AUTS2: variants seen among roughly 807,000 people sequenced by gnomAD.
AUTS2 encodes activator of transcription and developmental regulator AUTS2.
AUTS2 carries 17 observed loss-of-function variants against 112.4 expected under a neutral mutation model. That is an observed-to-expected ratio of 0.15 (90% CI 0.10 to 0.23). AUTS2 has a LOEUF of 0.23. Among genes scored for constraint, AUTS2 ranks in the 10% least tolerant of loss-of-function variants. The probability of loss-of-function intolerance (pLI) is 1.00; values close to 1 mark genes in which losing one functional copy is unlikely to be tolerated. For synonymous variants in AUTS2, 751 were observed against 702.7 expected (o/e 1.07, Z -1.09); for missense variants, 1,510 against 1,701.6 (o/e 0.89, Z 1.98).
intron 4 of AUTS2, among the ~76,000 whole-genome samples, chr7:70,423,792 T>A (rs1795320454): frequency 6.6e-6 from 1 of 152,242 alleles, no homozygotes; most frequent in Non-Finnish European, 1.5e-5. Context: ...TTTCTGGTTT[T>A]GTTTGTCTGG....
chr7:70,482,501 C>T (rs114495403), intron 5 of AUTS2, among the ~76,000 whole-genome samples: 1,873 of 152,206 alleles, frequency 0.012, 43 homozygotes, highest in African/African-American at 0.041. Context: ...AGTATTTTAA[C>T]GGGTCACCTT....
At chr7:69,647,431 G>A (rs952240404) in intron 1 of AUTS2, among the ~76,000 whole-genome samples, 2 of 151,544 alleles carry the variant, frequency 1.3e-5, no homozygotes, top group Non-Finnish European at 2.9e-5. Flanking sequence ...GCTCACTGTA[G>A]CATCAACTTC....
intron 4 of AUTS2, among the ~76,000 whole-genome samples, chr7:70,177,813 T>TTGGAATTATCCTCTCTCTC (rs57599835): frequency 6.6e-6 from 1 of 152,026 alleles, no homozygotes. Context: ...CTGTTCTGCA[T>TTGGAATTATCCTCTCTCTC]TCTCATTGTT....
At chr7:70,369,582 G>A (rs1377908781) in intron 4 of AUTS2, among the ~76,000 whole-genome samples, 1 of 152,126 alleles carries the variant, frequency 6.6e-6, no homozygotes, top group Non-Finnish European at 1.5e-5. Context: ...GAGGCAAGAA[G>A]GAGAGTGGCC....
At chr7:70,645,586 C>T (rs1330424295) in intron 5 of AUTS2, among the ~76,000 whole-genome samples, 2 of 152,254 alleles carry the variant, frequency 1.3e-5, no homozygotes, top group East Asian at 3.9e-4. Flanking sequence ...TCTGGGCAGA[C>T]CATGGGGCCT....
intron 2 of AUTS2, among the ~76,000 whole-genome samples, chr7:70,077,092 C>A (rs1562667606): frequency 6.6e-6 from 1 of 152,094 alleles, no homozygotes; most frequent in African/African-American, 2.4e-5. Flanking sequence ...GTAGAAGATA[C>A]AGGTAGATTC....
intron 4 of AUTS2, among the ~76,000 whole-genome samples, chr7:70,295,146 C>A (rs986338160): frequency 6.6e-6 from 1 of 152,180 alleles, no homozygotes; most frequent in Non-Finnish European, 1.5e-5. Flanking sequence ...TAGCAGATAG[C>A]CTGATTTTAT....
chr7:70,137,571 A>G (rs1472398076), intron 4 of AUTS2, among the ~76,000 whole-genome samples: 3 of 151,932 alleles, frequency 2.0e-5, no homozygotes, highest in Non-Finnish European at 2.9e-5. Context: ...TTCAATTTGC[A>G]TAGTGTATAA....
chr7:70,314,314 A>G (rs537398249), intron 4 of AUTS2, among the ~76,000 whole-genome samples: 1 of 152,260 alleles, frequency 6.6e-6, no homozygotes, highest in Non-Finnish European at 1.5e-5. Context: ...TAGTCCCTCT[A>G]TAATCTCTTC....
chr7:70,508,236 G>A (rs575730361), intron 5 of AUTS2, among the ~76,000 whole-genome samples: 13 of 152,054 alleles, frequency 8.5e-5, no homozygotes, highest in African/African-American at 3.1e-4. Flanking sequence ...AGAGCCTGTG[G>A]GGCATTAACG....
rs116401875 is a variant in AUTS2 at position 70,559,738 on chromosome 7, C to T, written c.690+123957C>T. On this transcript the variant is annotated intron_variant, in intron 5 of 18. Transcript: ENST00000342771. ...TTAAACTCAGCAATGACATGAGCAGCTCATCTGAGCCCCAGGCCTCTGGAT... is the reference window on the plus strand; with the variant it reads ...TTAAACTCAGCAATGACATGAGCAGTTCATCTGAGCCCCAGGCCTCTGGAT... Among the ~76,000 whole-genome samples the T allele has an allele frequency of 4.4e-3, 674 of 152,306 alleles. 7 individuals are homozygous for T. The highest frequency in any genetic ancestry group is 0.015 in the African/African-American group (638 of 41,574).
At chr7:70,362,598 T>C (rs1792320859) in intron 4 of AUTS2, among the ~76,000 whole-genome samples, 1 of 151,914 alleles carries the variant, frequency 6.6e-6, no homozygotes, top group Non-Finnish European at 1.5e-5. Flanking sequence ...AGGATAGTAG[T>C]TCCTCTTTCT....
At chr7:70,319,896 G>A (rs1023263517) in intron 4 of AUTS2, among the ~76,000 whole-genome samples, 5 of 152,172 alleles carry the variant, frequency 3.3e-5, no homozygotes, top group African/African-American at 7.2e-5. Flanking sequence ...AAAAGAATAC[G>A]TAAATGAATG....
intron 4 of AUTS2, among the ~76,000 whole-genome samples, chr7:70,321,749 A>G (rs1479105559): frequency 3.3e-5 from 5 of 152,230 alleles, no homozygotes; most frequent in African/African-American, 9.7e-5. Context: ...TGGTTTCCTG[A>G]CACATATTCA....
At chr7:69,757,528 T>C (rs1787990405) in intron 1 of AUTS2, among the ~76,000 whole-genome samples, 1 of 152,194 alleles carries the variant, frequency 6.6e-6, no homozygotes. Context: ...CTTTGATTTA[T>C]TTGGAGAGAA....
chr7:69,667,488 T>C (rs1274762984), intron 1 of AUTS2, among the ~76,000 whole-genome samples: 1 of 151,828 alleles, frequency 6.6e-6, no homozygotes, highest in Non-Finnish European at 1.5e-5. Context: ...CCTGCGTAGT[T>C]GGGATTACAG....
chr7:70,677,850 G>A (rs1417980788), intron 5 of AUTS2, among the ~76,000 whole-genome samples: 4 of 152,068 alleles, frequency 2.6e-5, no homozygotes, highest in African/African-American at 4.8e-5. Flanking sequence ...TTGGGAGGCC[G>A]AGGCGGGTGG....
At chr7:69,685,982 G>C (rs1797048784) in intron 1 of AUTS2, among the ~76,000 whole-genome samples, 1 of 152,152 alleles carries the variant, frequency 6.6e-6, no homozygotes, top group Non-Finnish European at 1.5e-5. Context: ...GTGGGTAAGA[G>C]AGAACAAGGG....
At chr7:70,666,218 T>C (rs1807341605) in intron 5 of AUTS2, among the ~76,000 whole-genome samples, 1 of 152,260 alleles carries the variant, frequency 6.6e-6, no homozygotes, top group South Asian at 2.1e-4. Context: ...AAAATGGGAA[T>C]AATGATAATG....
Sources: gnomAD v4.1 joint callset for allele counts (sites outside exome capture counted in the v4.1 genomes callset) on GRCh38, gnomAD v4.1.1 for gene constraint, MANE v1.5 for transcripts, NCBI Gene and HGNC (gene_info 2026-07-23, HGNC 2026-07-21) for gene names.